The following PHYHIPL variants were observed in gnomAD, a reference collection of about 807,000 sequenced individuals.
PHYHIPL encodes phytanoyl-CoA 2-hydroxylase interacting protein like, also known as phytanoyl-CoA hydroxylase-interacting protein-like.
Under a neutral mutation model 33.4 loss-of-function variants are expected in PHYHIPL, and 9 were observed. The ratio of observed to expected loss-of-function variants is 0.27; its 90% CI spans 0.16 to 0.47. The LOEUF (loss-of-function observed/expected upper bound fraction) is 0.47, where lower values mean the gene tolerates loss of function less well. Among genes scored for constraint, PHYHIPL ranks in the 20% least tolerant of loss-of-function variants. The pLI is 0.99. For missense variants in PHYHIPL, 365 were observed against 460.7 expected (o/e 0.79, Z 1.90); for synonymous variants, 153 against 154.1 (o/e 0.99, Z 0.05).
At chr10:59,225,446 G>A (rs922263164) in intron 1 of PHYHIPL, among the ~76,000 whole-genome samples, 2 of 152,050 alleles carry the variant, frequency 1.3e-5, no homozygotes, top group African/African-American at 4.8e-5. Flanking sequence ...AGATATGCTA[G>A]GGGCCACAGA....
intron 1 of PHYHIPL, among the ~76,000 whole-genome samples, chr10:59,205,724 C>A (rs1376353680): frequency 6.6e-6 from 1 of 152,076 alleles, no homozygotes; most frequent in Non-Finnish European, 1.5e-5. Flanking sequence ...CCTCATGGCA[C>A]AGTCCCTCAT....
At position 59,185,555 on chromosome 10, in the gene PHYHIPL, G is replaced by T. The variant is rs926411397; in HGVS notation, c.106+8596G>T. On this transcript the variant is annotated intron_variant, in intron 1 of 4. Transcript: ENST00000373880. Reference sequence around the variant, plus strand: ...GAATCGCCACACTGACTTCCACAATGGTTGAACTAGTTTACAGTCCCAGCA... The same window carrying T: ...GAATCGCCACACTGACTTCCACAATTGTTGAACTAGTTTACAGTCCCAGCA... 8.7e-4 allele frequency among the ~76,000 whole-genome samples: 132 copies of T among 152,292 alleles called. 3 individuals carry two copies. The highest frequency in any genetic ancestry group is 1.3e-3 in the Non-Finnish European group (91 of 68,034).
intron 1 of PHYHIPL, among the ~76,000 whole-genome samples, chr10:59,217,022 T>C (rs919462016): frequency 6.6e-6 from 1 of 152,102 alleles, no homozygotes; most frequent in Admixed American, 6.6e-5. Context: ...TTTACTATTC[T>C]TGGAGTGAGA....
intron 1 of PHYHIPL, among the ~76,000 whole-genome samples, chr10:59,181,405 T>C (rs1236517160): frequency 6.6e-6 from 1 of 152,144 alleles, no homozygotes; most frequent in African/African-American, 2.4e-5. Context: ...AAATCACAAT[T>C]ATAGTACTCT....
chr10:59,177,233 C>T (rs928139192), intron 1 of PHYHIPL: 1 of 579,010 alleles, frequency 1.7e-6, no homozygotes, highest in Non-Finnish European at 3.0e-6. Flanking sequence ...ACGAGGGCGA[C>T]GTTCCCGCTC....
In PHYHIPL at chr10:59,176,654, C is replaced by G; in HGVS notation, c.-200C>G. Reference sequence around the variant, plus strand: ...CTGCTCGGTCTCTCAGAGCCGCACACTCCGCGGAGCTCCTGCCACAGCCGT... The same window carrying G: ...CTGCTCGGTCTCTCAGAGCCGCACAGTCCGCGGAGCTCCTGCCACAGCCGT... On this transcript the variant is annotated 5_prime_UTR_variant, in exon 1 of 5. Coordinates refer to ENST00000373880, the MANE Select transcript of PHYHIPL (RefSeq NM_032439.4). 1.8e-6 allele frequency: 1 copy of G among 545,108 alleles called. No individual in the cohort carries two copies. The highest frequency in any genetic ancestry group is 2.2e-5 in the South Asian group (1 of 45,228). 33.8% of individuals were successfully genotyped at this position (545,108 alleles called of 1,614,324 possible).
At chr10:59,180,314 G>GTGTATATATA (rs1838374514) in intron 1 of PHYHIPL, among the ~76,000 whole-genome samples, 1 of 86,170 alleles carries the variant, frequency 1.2e-5, no homozygotes, top group African/African-American at 5.2e-5. Context: ...TATAGAAAAA[G>GTGTATATATA]TATATATATA....
In PHYHIPL at chr10:59,247,437, G is replaced by A. The variant is rs966995425; in HGVS notation, c.*1846G>A. 12 of 718,550 alleles carry A rather than the reference G, an allele frequency of 1.7e-5. No individual in the cohort carries two copies. The highest frequency in any genetic ancestry group is 2.9e-5 in the Admixed American group (1 of 34,084). 44.5% of individuals were successfully genotyped at this position (718,550 alleles called of 1,614,324 possible). ...GGCTACCTGTTGTATTCTTCCCCCC[G>A]TTTAAATCCCTTCTCCTTGTATATA... is the stretch of plus-strand genomic sequence containing the variant. On this transcript the variant is annotated 3_prime_UTR_variant, in exon 5 of 5. Coordinates refer to ENST00000373880, the MANE Select transcript of PHYHIPL (RefSeq NM_032439.4).
At chr10:59,176,376 G>A (rs1838248877), upstream of PHYHIPL, among the ~76,000 whole-genome samples, 1 of 152,114 alleles carries the variant, frequency 6.6e-6, no homozygotes, top group African/African-American at 2.4e-5. Flanking sequence ...CGAGGCAGCC[G>A]CGCGGCGTAT....
chr10:59,190,240 T>A (rs900894671), intron 1 of PHYHIPL, among the ~76,000 whole-genome samples: 3 of 151,988 alleles, frequency 2.0e-5, no homozygotes, highest in African/African-American at 7.2e-5. Flanking sequence ...TTGCATTATA[T>A]TTTGAAAATT....
chr10:59,206,596 A>G (rs556657621), intron 1 of PHYHIPL, among the ~76,000 whole-genome samples: 18 of 152,340 alleles, frequency 1.2e-4, no homozygotes, highest in African/African-American at 4.3e-4. Flanking sequence ...CAACAAACCA[A>G]GCAAACTCAG....
At chr10:59,181,407 T>C (rs1284472544) in intron 1 of PHYHIPL, among the ~76,000 whole-genome samples, 1 of 152,206 alleles carries the variant, frequency 6.6e-6, no homozygotes, top group Non-Finnish European at 1.5e-5. Context: ...ATCACAATTA[T>C]AGTACTCTTA....
chr10:59,236,250 A>G (rs75383851), intron 2 of PHYHIPL, among the ~76,000 whole-genome samples: 1,762 of 152,020 alleles, frequency 0.012, 42 homozygotes, highest in African/African-American at 0.039. Context: ...GAAAAATTCT[A>G]TTGTCAGTCA....
intron 1 of PHYHIPL, among the ~76,000 whole-genome samples, chr10:59,212,232 C>G: frequency 6.6e-6 from 1 of 152,164 alleles, no homozygotes; most frequent in East Asian, 1.9e-4. Context: ...GCCTCCGTAT[C>G]TGTAAGAAAT....
In PHYHIPL at chr10:59,246,513, G is replaced by A; in HGVS notation, c.*922G>A. The stretch of plus-strand genomic sequence containing the variant: ...GAAAATAGAAATACAAACAAGGTTG[G>A]TACATGAGAGAAAATGTTGACCTTT... On this transcript the variant is annotated 3_prime_UTR_variant, in exon 5 of 5. Coordinates refer to ENST00000373880, the MANE Select transcript of PHYHIPL (RefSeq NM_032439.4). The A allele has an allele frequency of 2.6e-6, 1 of 390,982 alleles. No homozygotes were observed. Among genetic ancestry groups the A allele is most frequent in the Non-Finnish European group, 4.5e-6 (1 of 221,184 alleles). 24.2% of individuals were successfully genotyped at this position (390,982 alleles called of 1,614,324 possible).
At chr10:59,180,508 C>G (rs1838387593) in intron 1 of PHYHIPL, among the ~76,000 whole-genome samples, 2 of 151,498 alleles carry the variant, frequency 1.3e-5, no homozygotes, top group Admixed American at 1.3e-4. Flanking sequence ...GGCTTCGTGG[C>G]TTTAACAAAT....
intron 1 of PHYHIPL, among the ~76,000 whole-genome samples, chr10:59,196,238 ATT>A (rs1252687665): frequency 6.6e-6 from 1 of 151,970 alleles, no homozygotes; most frequent in Non-Finnish European, 1.5e-5. Flanking sequence ...ATATTCATAT[ATT>A]TTTAGTAAAA....
At chr10:59,173,940 T>TTTTG (rs1838209049), upstream of PHYHIPL, among the ~76,000 whole-genome samples, 1 of 107,016 alleles carries the variant, frequency 9.3e-6, no homozygotes, top group Non-Finnish European at 1.8e-5. Flanking sequence ...TTTTTTTTTT[T>TTTTG]TTTTTTTTTT....
chr10:59,230,214 T>TTC (rs1409721526), intron 1 of PHYHIPL, among the ~76,000 whole-genome samples: 3 of 146,118 alleles, frequency 2.1e-5, no homozygotes, highest in Non-Finnish European at 4.5e-5. Flanking sequence ...ATTGCTTTCT[T>TTC]TTTTTTTTTT....
Sources: gnomAD v4.1 joint callset for allele counts (sites outside exome capture counted in the v4.1 genomes callset) on GRCh38, gnomAD v4.1.1 for gene constraint, MANE v1.5 for transcripts, NCBI Gene and HGNC (gene_info 2026-07-23, HGNC 2026-07-21) for gene names.